Variants in ACACA observed in about 807,000 individuals in gnomAD.
ACACA encodes acetyl-CoA carboxylase alpha.
ACACA carries 103 observed loss-of-function variants against 296.1 expected under a neutral mutation model. The ratio of observed to expected loss-of-function variants is 0.35; its 90% CI spans 0.30 to 0.41. The LOEUF (loss-of-function observed/expected upper bound fraction) is 0.41, where lower values mean the gene tolerates loss of function less well. ACACA is among the 10% of genes least tolerant of loss of function. ACACA has a pLI of 1.00. For synonymous variants in ACACA, 953 were observed against 1,038.6 expected, an observed-to-expected ratio of 0.92 and a Z score of 1.58; for missense variants, 1,554 against 2,989.7, an observed-to-expected ratio of 0.52 and a Z score of 11.20.
At chr17:37,359,204 T>C (rs1057415190) in intron 1 of ACACA, 4 of 917,028 alleles carry the variant, frequency 4.4e-6, no homozygotes, top group Non-Finnish European at 5.2e-6. Flanking sequence ...GCGAGCTCCA[T>C]GAGGTGACTA....
At chr17:37,296,355 G>T (rs1187156482) in intron 3 of ACACA, among the ~76,000 whole-genome samples, 1 of 146,426 alleles carries the variant, frequency 6.8e-6, no homozygotes, top group East Asian at 2.0e-4. Context: ...TCCCAGTCTG[G>T]AGTGCAGTGG....
intron 30 of ACACA, 63 bp downstream of exon 30, chr17:37,210,404 G>C: frequency 1.4e-6 from 2 of 1,476,854 alleles, no homozygotes; most frequent in Non-Finnish European, 1.9e-6. Flanking sequence ...TTTTTTCCTG[G>C]TTTCACTATT....
At position 37,390,175 on chromosome 17, in the gene ACACA, T is replaced by TACACACACACAC. The variant is rs1158274937; in HGVS notation, c.38+16086_38+16087insGTGTGTGTGTGT. 2.2e-4 allele frequency among the ~76,000 whole-genome samples: 10 copies of TACACACACACAC among 44,502 alleles called. 1 individual carries two copies. The highest frequency in any genetic ancestry group is 1.2e-3 in the African/African-American group (10 of 8,576). The allele number at this position is 44,502 out of a possible 152,430, so 29.2% of individuals were successfully genotyped here. ...ATATATATATATATATATATATATATACACACACACATTATATATAAATAT... is the reference window on the plus strand; with the variant it reads ...ATATATATATATATATATATATATATACACACACACACACACACACACATTATATATAAATAT... On this transcript the variant is annotated intron_variant, in intron 1 of 55. Transcript: ENST00000616317.
intron 5 of ACACA, among the ~76,000 whole-genome samples, chr17:37,279,767 C>T (rs1188383522): frequency 1.3e-5 from 2 of 152,050 alleles, no homozygotes; most frequent in Non-Finnish European, 2.9e-5. Context: ...GCCGAGATTG[C>T]GCCACTGCAC....
intron 1 of ACACA, among the ~76,000 whole-genome samples, chr17:37,398,281 CT>C (rs777127866): frequency 0.087 from 6,855 of 79,006 alleles, 87 homozygotes; most frequent in African/African-American, 0.17. Flanking sequence ...TGTGGTATCA[CT>C]TTTTTTTTTT....
rs146617576 is a variant in ACACA at position 37,131,176 on chromosome 17, C to T, written c.5680-958G>A. Among the ~76,000 whole-genome samples, 22 of 152,074 alleles carry T rather than the reference C, an allele frequency of 1.4e-4. No homozygotes were observed. In the East Asian group the frequency reaches 3.9e-3, roughly 27 times the overall value. ...TCAGGGCCTCAATCCCTGGTATATC[C>T]CTGGAGGAATTTAATCCTTGTAAGG... On this transcript the variant is annotated intron_variant, in intron 45 of 55. Transcript: ENST00000616317.
At chr17:37,118,785 T>C (rs9899159) in intron 50 of ACACA, among the ~76,000 whole-genome samples, 2,933 of 152,312 alleles carry the variant, frequency 0.019, 89 homozygotes, top group African/African-American at 0.067. Flanking sequence ...AGGTGCTTGT[T>C]GTGATGATTA....
chr17:37,109,675 C>T lies in ACACA; in HGVS notation c.6565+1856G>A, dbSNP rs573446023. ...GCTATCACTTGGGAGTCTCCTCCCT[C>T]TCCCCTTCATGTGCTTCAAAAGTTA... On this transcript the variant is annotated intron_variant, in intron 52 of 55. Coordinates refer to ENST00000616317, the MANE Select transcript of ACACA (RefSeq NM_198834.3). Among the ~76,000 whole-genome samples the T allele has an allele frequency of 2.0e-5, 3 of 152,320 alleles. No homozygotes were observed. In the East Asian group the frequency reaches 5.8e-4, roughly 29 times the overall value.
At chr17:37,352,592 G>A (rs1382612908) in intron 1 of ACACA, among the ~76,000 whole-genome samples, 2 of 152,140 alleles carry the variant, frequency 1.3e-5, no homozygotes. Flanking sequence ...GGTGGTGTGT[G>A]TCTGTAGTCC....
chr17:37,305,571 T>C (rs1368872992), intron 3 of ACACA, among the ~76,000 whole-genome samples: 1 of 152,240 alleles, frequency 6.6e-6, no homozygotes, highest in East Asian at 1.9e-4. Flanking sequence ...TACTTTCCGT[T>C]GGGCCTTATC....
At chr17:37,138,872 G>T (rs1261826010) in intron 45 of ACACA, among the ~76,000 whole-genome samples, 2 of 152,192 alleles carry the variant, frequency 1.3e-5, no homozygotes, top group East Asian at 3.8e-4. Context: ...GGGGAGGTGG[G>T]AGGTGGTAGG....
At position 37,382,765 on chromosome 17, in the gene ACACA, C is replaced by G. The variant is rs547963128; in HGVS notation, c.38+23497G>C. Among the ~76,000 whole-genome samples the G allele has an allele frequency of 6.8e-4, 103 of 152,300 alleles. No individual in the cohort carries two copies. The South Asian group carries it at 0.02, about 30-fold the overall frequency. On this transcript the variant is annotated intron_variant, in intron 1 of 55. Transcript: ENST00000616317. Reference sequence around the variant, plus strand: ...GTCCTAGCTACTCAGGAGGCTGAGACAGAAGAATAGCTTGAACCCAGGATG... The same window carrying G: ...GTCCTAGCTACTCAGGAGGCTGAGAGAGAAGAATAGCTTGAACCCAGGATG...
At chr17:37,393,257 A>G (rs1043506705) in intron 1 of ACACA, among the ~76,000 whole-genome samples, 6 of 151,994 alleles carry the variant, frequency 3.9e-5, no homozygotes, top group African/African-American at 1.2e-4. Context: ...TGAGTATATT[A>G]TTTGCATCCT....
At chr17:37,380,657 G>T (rs1000319941) in intron 1 of ACACA, among the ~76,000 whole-genome samples, 1 of 151,916 alleles carries the variant, frequency 6.6e-6, no homozygotes, top group South Asian at 2.1e-4. Flanking sequence ...GAGTCCAGTG[G>T]TGCGATCTTG....
chr17:37,364,296 C>CA lies in ACACA; in HGVS notation c.39-24447dup, dbSNP rs368810041. ...TGAGCAACAAAGCAAGACTCCATCTCAAAAAAAAGAAAAGAGTCCAGCCAT... is the reference window on the plus strand; with the variant it reads ...TGAGCAACAAAGCAAGACTCCATCTCAAAAAAAAAGAAAAGAGTCCAGCCAT... On this transcript the variant is annotated intron_variant, in intron 1 of 55. Transcript: ENST00000616317. Among the ~76,000 whole-genome samples the CA allele has an allele frequency of 4.0e-5, 6 of 150,402 alleles. No individual in the cohort carries two copies. In the East Asian group the frequency reaches 8.0e-4, roughly 20 times the overall value.
intron 25 of ACACA, among the ~76,000 whole-genome samples, chr17:37,231,243 CA>C (rs1357479537): frequency 6.6e-6 from 1 of 151,008 alleles, no homozygotes; most frequent in Non-Finnish European, 1.5e-5. Context: ...AAAGCATAGC[CA>C]AAGTTACACA....
In ACACA at chr17:37,277,705, GTTTAC is replaced by G. The variant is rs376280507; in HGVS notation, c.720+186_720+190del. ...CTTCCAAACCTTCTGTTTGTATTAC[GTTTAC>G]TTTATTTTTAGCCATTCCATTATTT... On this transcript the variant is annotated intron_variant, in intron 6 of 55. Transcript: ENST00000616317. 4.3e-3 allele frequency among the ~76,000 whole-genome samples: 649 copies of G among 152,130 alleles called. 5 individuals carry two copies. Among genetic ancestry groups the G allele is most frequent in the African/African-American group, 0.015 (609 of 41,498 alleles).
At chr17:37,376,665 CT>C (rs1447161559) in intron 1 of ACACA, among the ~76,000 whole-genome samples, 5 of 152,086 alleles carry the variant, frequency 3.3e-5, no homozygotes, top group African/African-American at 1.2e-4. Flanking sequence ...CTAAAATTAG[CT>C]AATCAAGGCT....
chr17:37,228,790 T>A (rs2079678525), intron 25 of ACACA, among the ~76,000 whole-genome samples: 1 of 152,056 alleles, frequency 6.6e-6, no homozygotes, highest in African/African-American at 2.4e-5. Context: ...ACAACTCGAC[T>A]CCTCTGTACA....
Sources: gnomAD v4.1 joint callset for allele counts (sites outside exome capture counted in the v4.1 genomes callset) on GRCh38, gnomAD v4.1.1 for gene constraint, MANE v1.5 for transcripts, NCBI Gene and HGNC (gene_info 2026-07-23, HGNC 2026-07-21) for gene names.